The following CLASP2 variants were observed in gnomAD, a reference collection of about 807,000 sequenced individuals.
The protein encoded by CLASP2 is cytoplasmic linker associated protein 2, also known as CLIP-associating protein 2.
Under a neutral mutation model 194.4 loss-of-function variants are expected in CLASP2, and 47 were observed. That is an observed-to-expected ratio of 0.24 (90% CI 0.19 to 0.31). CLASP2 has a LOEUF of 0.31. Among genes scored for constraint, CLASP2 ranks in the 10% least tolerant of loss-of-function variants. The probability of loss-of-function intolerance (pLI) is 1.00; values close to 1 mark genes in which losing one functional copy is unlikely to be tolerated. For missense variants in CLASP2, 1,445 were observed against 1,823.6 expected (o/e 0.79, Z 3.78); for synonymous variants, 619 against 633.5 (o/e 0.98, Z 0.34).
chr3:33,537,600 C>T (rs999309948), intron 33 of CLASP2, among the ~76,000 whole-genome samples: 3 of 151,982 alleles, frequency 2.0e-5, no homozygotes, highest in Non-Finnish European at 4.4e-5. Context: ...TCAAATATGT[C>T]AATAATATTA....
intron 7 of CLASP2, among the ~76,000 whole-genome samples, chr3:33,655,431 G>A (rs1006937923): frequency 3.3e-5 from 5 of 152,106 alleles, no homozygotes; most frequent in African/African-American, 9.7e-5. Flanking sequence ...GTACCATAGG[G>A]TGGCTTTATT....
At chr3:33,645,595 C>T (rs1355938970) in intron 7 of CLASP2, 1 of 346,612 alleles carries the variant, frequency 2.9e-6, no homozygotes. Context: ...TAGCTATAAT[C>T]CTTATTCTAT....
intron 34 of CLASP2, among the ~76,000 whole-genome samples, chr3:33,529,379 A>G (rs2055527566): frequency 6.6e-6 from 1 of 152,246 alleles, no homozygotes; most frequent in East Asian, 1.9e-4. Context: ...AGCCTAGGCA[A>G]AAAGAACAAA....
intron 29 of CLASP2, among the ~76,000 whole-genome samples, chr3:33,558,169 TTTAAATA>T (rs368903266): frequency 9.6e-4 from 147 of 152,334 alleles, no homozygotes; most frequent in African/African-American, 3.4e-3. Context: ...CTCTTTCTCT[TTTAAATA>T]TTAAAGTCCT....
chr3:33,534,188 T>C (rs927018861), intron 34 of CLASP2, among the ~76,000 whole-genome samples: 2 of 152,204 alleles, frequency 1.3e-5, no homozygotes, highest in South Asian at 2.1e-4. Context: ...TGTATAGTTA[T>C]ATATTACTAT....
intron 7 of CLASP2, among the ~76,000 whole-genome samples, chr3:33,658,394 TA>T (rs1168526448): frequency 6.6e-6 from 1 of 152,178 alleles, no homozygotes; most frequent in Non-Finnish European, 1.5e-5. Context: ...CTTACCAAAC[TA>T]AAACACTGGC....
chr3:33,659,144 C>T, intron 7 of CLASP2: 1 of 1,405,940 alleles, frequency 7.1e-7, no homozygotes, highest in South Asian at 1.7e-5. Context: ...CCGCAATAGC[C>T]AACAGCTGCT....
At chr3:33,632,222 G>T in intron 9 of CLASP2, 70 bp downstream of exon 9, 2 of 947,468 alleles carry the variant, frequency 2.1e-6, no homozygotes, top group Non-Finnish European at 3.0e-6. Context: ...CTTAAAAAGG[G>T]ACAGAGACAA....
At chr3:33,544,962 G>A in intron 30 of CLASP2, 121 bp from the exon 31 acceptor site, 3 of 596,356 alleles carry the variant, frequency 5.0e-6, no homozygotes, top group Admixed American at 4.2e-5. Context: ...GGAAAAGGAA[G>A]ATATTCTTAT....
intron 4 of CLASP2, 73 bp downstream of exon 4, chr3:33,688,204 G>C: frequency 8.8e-7 from 1 of 1,131,736 alleles, no homozygotes. Flanking sequence ...AGCTTTCCTT[G>C]ACTTTGTGAA....
At chr3:33,663,374 T>A in intron 7 of CLASP2, 71 bp downstream of exon 7, 7 of 1,122,216 alleles carry the variant, frequency 6.2e-6, no homozygotes, top group Non-Finnish European at 9.2e-6. Flanking sequence ...ATCAGTGATA[T>A]ATAATACATT....
intron 1 of CLASP2, among the ~76,000 whole-genome samples, chr3:33,706,793 C>T (rs776408831): frequency 6.6e-6 from 1 of 151,916 alleles, no homozygotes; most frequent in Admixed American, 6.6e-5. Flanking sequence ...GAGACCCTAT[C>T]TCTAGAAAAA....
intron 18 of CLASP2, among the ~76,000 whole-genome samples, chr3:33,601,701 T>A (rs78560607): frequency 6.6e-6 from 1 of 152,194 alleles, no homozygotes; most frequent in Non-Finnish European, 1.5e-5. Flanking sequence ...GTTTTTATCA[T>A]CTGGAATATA....
At chr3:33,596,488 A>T in intron 19 of CLASP2, 2 of 430,742 alleles carry the variant, frequency 4.6e-6, no homozygotes, top group Non-Finnish European at 8.4e-6. Context: ...TTAAAACAAA[A>T]TAGTTACCTA....
At chr3:33,528,626 G>A (rs1478044695) in intron 34 of CLASP2, among the ~76,000 whole-genome samples, 1 of 152,188 alleles carries the variant, frequency 6.6e-6, no homozygotes, top group Non-Finnish European at 1.5e-5. Context: ...GCCTGGAGTG[G>A]TGGTGTGTGC....
At chr3:33,534,849 T>A (rs2057036078) in intron 34 of CLASP2, among the ~76,000 whole-genome samples, 1 of 152,232 alleles carries the variant, frequency 6.6e-6, no homozygotes, top group Non-Finnish European at 1.5e-5. Context: ...AAAAAGTTTA[T>A]GACTTCATGC....
intron 25 of CLASP2, 89 bp downstream of exon 25, chr3:33,573,021 C>A: frequency 1.4e-6 from 2 of 1,435,984 alleles, no homozygotes; most frequent in South Asian, 1.3e-5. Context: ...TCTGTTTCTA[C>A]ACCAGTATCT....
At chr3:33,615,888 TAAATA>T (rs2076071207) in intron 12 of CLASP2, among the ~76,000 whole-genome samples, 1 of 151,950 alleles carries the variant, frequency 6.6e-6, no homozygotes, top group African/African-American at 2.4e-5. Flanking sequence ...ATTGAAAACA[TAAATA>T]AAACATGGTA....
chr3:33,641,534 T>C (rs1249496997), intron 8 of CLASP2, among the ~76,000 whole-genome samples: 1 of 151,858 alleles, frequency 6.6e-6, no homozygotes, highest in Non-Finnish European at 1.5e-5. Flanking sequence ...ATTAATACAA[T>C]ATGAGAAGAA....
Sources: allele counts gnomAD v4.1 joint callset (sites outside exome capture counted in the v4.1 genomes callset), GRCh38; gene constraint gnomAD v4.1.1; transcripts MANE v1.5; gene names NCBI Gene and HGNC (gene_info 2026-07-23, HGNC 2026-07-21).